Variants in MTRES1 observed in about 807,000 individuals in gnomAD.
MTRES1 encodes uncharacterized protein C6orf203.
A neutral mutation model predicts 17.4 loss-of-function variants in MTRES1; 11 were observed. The ratio of observed to expected loss-of-function variants is 0.63; its 90% confidence interval spans 0.40 to 1.05. MTRES1 has a LOEUF of 1.05. MTRES1 is among the 50% of genes least tolerant of loss of function. The probability of loss-of-function intolerance (pLI) is 0.00; values close to 1 mark genes in which losing one functional copy is unlikely to be tolerated. For missense variants in MTRES1, 268 were observed against 276.2 expected (o/e 0.97, Z 0.21); for synonymous variants, 94 against 99.6 (o/e 0.94, Z 0.34).
intron 2 of MTRES1, 39 bp from the exon 3 acceptor site, chr6:107,044,221 C>G: frequency 6.6e-7 from 1 of 1,521,824 alleles, no homozygotes; most frequent in African/African-American, 1.4e-5. Context: ...GTACCCATCA[C>G]CCAAATTGTG....
At chr6:107,034,570 T>G (rs1027311948) in intron 1 of MTRES1, among the ~76,000 whole-genome samples, 1 of 152,222 alleles carries the variant, frequency 6.6e-6, no homozygotes, top group Admixed American at 6.5e-5. Flanking sequence ...GCTTTGCAGC[T>G]CGGATGCCTA....
intron 1 of MTRES1, among the ~76,000 whole-genome samples, chr6:107,029,363 A>G (rs1259612884): frequency 3.3e-5 from 5 of 149,826 alleles, no homozygotes; most frequent in East Asian, 2.0e-4. Context: ...AATTTTTTGT[A>G]TTTTTAGTAG....
intron 1 of MTRES1, among the ~76,000 whole-genome samples, chr6:107,037,614 C>G (rs375092628): frequency 6.6e-6 from 1 of 152,190 alleles, no homozygotes; most frequent in Non-Finnish European, 1.5e-5. Flanking sequence ...TTCTCTATTA[C>G]GCTAGAATAT....
rs547614585 is a variant in MTRES1 at position 107,034,207 on chromosome 6, C to T, written c.-12-5542C>T. Among the ~76,000 whole-genome samples, 78 of 152,104 alleles carry T rather than the reference C, an allele frequency of 5.1e-4. 1 individual carries two copies. Among genetic ancestry groups the T allele is most frequent in the African/African-American group, 1.9e-3 (78 of 41,502 alleles). On this transcript the variant is annotated intron_variant, in intron 1 of 3. Coordinates refer to ENST00000311381, the MANE Select transcript of MTRES1 (RefSeq NM_016487.5). Reference sequence around the variant, plus strand: ...GCATTCCTCAAAGTAAACAACGGTACGGTATAAAGCTAGGACTTTTCTCAA... The same window carrying T: ...GCATTCCTCAAAGTAAACAACGGTATGGTATAAAGCTAGGACTTTTCTCAA...
At chr6:107,043,958 C>G (rs1221428927) in intron 2 of MTRES1, among the ~76,000 whole-genome samples, 1 of 152,212 alleles carries the variant, frequency 6.6e-6, no homozygotes, top group African/African-American at 2.4e-5. Context: ...GAAACCCTGT[C>G]TCTACTAAAA....
chr6:107,049,720 C>T (rs1300677751), intron 3 of MTRES1, among the ~76,000 whole-genome samples: 7 of 98,804 alleles, frequency 7.1e-5, no homozygotes, highest in South Asian at 3.3e-4. Flanking sequence ...GCCGGCCCTT[C>T]TTTTTTTTTT....
intron 3 of MTRES1, among the ~76,000 whole-genome samples, chr6:107,045,308 C>T (rs1418219297): frequency 2.6e-5 from 4 of 151,906 alleles, no homozygotes; most frequent in African/African-American, 9.7e-5. Flanking sequence ...AGTGAAACCC[C>T]ATCTCTACTA....
rs529567807 is a variant in MTRES1 at position 107,041,093 on chromosome 6, GC to G, written c.470+864del. 1.3e-3 allele frequency among the ~76,000 whole-genome samples: 194 copies of G among 151,226 alleles called. 3 individuals carry two copies. Among genetic ancestry groups the G allele is most frequent in the African/African-American group, 4.4e-3 (182 of 40,986 alleles). ...TACAAAAAATTAGCCAGGCGTGGTG[GC>G]AGGCGCCTGTAGTCCCAGCTACTCG... is the stretch of plus-strand genomic sequence containing the variant. On this transcript the variant is annotated intron_variant, in intron 2 of 3. Transcript: ENST00000311381.
intron 2 of MTRES1, among the ~76,000 whole-genome samples, chr6:107,043,593 TCATAAGG>T (rs1774291938): frequency 9.2e-6 from 1 of 108,162 alleles, no homozygotes; most frequent in Non-Finnish European, 2.2e-5. Flanking sequence ...ATTAAGAAAA[TCATAAGG>T]AAGTGAAAAT....
chr6:107,040,580 C>A (rs901462642), intron 2 of MTRES1: 3 of 185,742 alleles, frequency 1.6e-5, no homozygotes, highest in Non-Finnish European at 1.1e-5. Context: ...TAATGTGAGA[C>A]GGTACCTCAG....
At chr6:107,043,864 C>G (rs1439337308) in intron 2 of MTRES1, among the ~76,000 whole-genome samples, 1 of 152,180 alleles carries the variant, frequency 6.6e-6, no homozygotes, top group Non-Finnish European at 1.5e-5. Flanking sequence ...CGCGGTGGTT[C>G]ACGCCTGTAA....
Position 107,051,070 on chromosome 6 carries a change from A to T in MTRES1, c.557A>T (p.Asp186Val). The T allele has an allele frequency of 6.2e-7, 1 of 1,609,272 alleles. No individual in the cohort carries two copies. Among genetic ancestry groups the T allele is most frequent in the Non-Finnish European group, 8.5e-7 (1 of 1,178,388 alleles). The change falls in exon 4 of 4, where the codon GAT becomes GTT. Residue 186 changes from aspartate to valine, a missense_variant. By Grantham distance (152) the Asp-to-Val change is radical. Coordinates refer to ENST00000311381, the MANE Select transcript of MTRES1 (RefSeq NM_016487.5). Reference sequence around the variant, plus strand: ...TTTAATTTTCAGGTGAAAGTGGGAGATACATTGGATCTTCTCATTGGAGAG... The same window carrying T: ...TTTAATTTTCAGGTGAAAGTGGGAGTTACATTGGATCTTCTCATTGGAGAG... ...WKKSRTVKVG[D>V]TLDLLIGEDK...
intron 1 of MTRES1, among the ~76,000 whole-genome samples, chr6:107,039,052 C>G (rs1319830146): frequency 2.0e-5 from 3 of 151,914 alleles, no homozygotes; most frequent in Non-Finnish European, 4.4e-5. Context: ...AAAACTCCAT[C>G]TCAAAAAAAA....
intron 1 of MTRES1, among the ~76,000 whole-genome samples, chr6:107,036,598 C>G (rs891847674): frequency 6.6e-6 from 1 of 152,008 alleles, no homozygotes; most frequent in African/African-American, 2.4e-5. Context: ...AATCCCAGCA[C>G]TTTGGGAGGC....
intron 1 of MTRES1, among the ~76,000 whole-genome samples, chr6:107,037,121 A>G (rs311201): frequency 0.94 from 143,402 of 152,114 alleles, 67,827 homozygotes; most frequent in East Asian, 1. Context: ...GTACTAATCA[A>G]TGAAATATAC....
At chr6:107,031,843 C>T (rs958973804) in intron 1 of MTRES1, among the ~76,000 whole-genome samples, 11 of 152,078 alleles carry the variant, frequency 7.2e-5, no homozygotes, top group African/African-American at 2.2e-4. Flanking sequence ...TCAGGTGATC[C>T]ACCCACCTCG....
chr6:107,034,059 G>C (rs1246255343), intron 1 of MTRES1, among the ~76,000 whole-genome samples: 4 of 152,124 alleles, frequency 2.6e-5, no homozygotes, highest in African/African-American at 7.2e-5. Context: ...TAAACACAAG[G>C]GAATACGTGG....
Position 107,039,899 on chromosome 6 carries a change from A to G in MTRES1, c.139A>G (p.Ser47Gly), listed in dbSNP as rs370095767. Reference protein sequence around the residue: ...TSWNRYLYFSSTKLRAPNYKT... With the variant: ...TSWNRYLYFSGTKLRAPNYKT... ...CTGGAATCGATACTTGTATTTTTCTAGTACCAAGTTACGTGCACCAAATTA... is the reference window on the plus strand; with the variant it reads ...CTGGAATCGATACTTGTATTTTTCTGGTACCAAGTTACGTGCACCAAATTA... Residue 47 changes from serine (S) to glycine (G), a missense_variant, in exon 2 of 4, where the codon AGT (serine) becomes GGT (glycine). Ser to Gly is a moderately conservative substitution (Grantham distance 56, BLOSUM62 0). Coordinates refer to ENST00000311381, the MANE Select transcript of MTRES1 (RefSeq NM_016487.5). The G allele has an allele frequency of 5.0e-6, 8 of 1,614,042 alleles. No homozygotes were observed. Among genetic ancestry groups the G allele is most frequent in the African/African-American group, 1.3e-5 (1 of 74,942 alleles).
In MTRES1 at chr6:107,044,347, T is replaced by G; in HGVS notation, c.543+15T>G. 1 of 1,600,092 alleles carries G rather than the reference T, an allele frequency of 6.2e-7. No homozygotes were observed. The highest frequency in any genetic ancestry group is 8.6e-7 in the Non-Finnish European group (1 of 1,167,614). On this transcript the variant is annotated intron_variant, in intron 3 of 3. Coordinates refer to ENST00000311381, the MANE Select transcript of MTRES1 (RefSeq NM_016487.5). ...AAAGCAGAACGGTGAGATACTAACC[T>G]AAAATGACAGCCAGATGTTTTCGTC...
Sources: allele counts gnomAD v4.1 joint callset (sites outside exome capture counted in the v4.1 genomes callset), GRCh38; gene constraint gnomAD v4.1.1; transcripts MANE v1.5; gene names NCBI Gene and HGNC (gene_info 2026-07-23, HGNC 2026-07-21).